Variants in NCOA6 observed in about 807,000 individuals in gnomAD.
NCOA6 encodes the protein NRC RAP250.
NCOA6 carries 49 observed loss-of-function variants against 171.4 expected under a neutral mutation model. That is an observed-to-expected ratio of 0.29 (90% CI 0.23 to 0.36). The LOEUF (loss-of-function observed/expected upper bound fraction) is 0.36. Ranked by LOEUF, NCOA6 falls within the 10% of genes least tolerant of loss-of-function variation. The probability of loss-of-function intolerance (pLI) is 1.00; values close to 1 mark genes in which losing one functional copy is unlikely to be tolerated. For missense variants in NCOA6, 2,248 were observed against 2,554.5 expected, an observed-to-expected ratio of 0.88 and a Z score of 2.59; for synonymous variants, 910 against 927.5, an observed-to-expected ratio of 0.98 and a Z score of 0.34.
intron 3 of NCOA6, among the ~76,000 whole-genome samples, chr20:34,780,515 C>A (rs2077485319): frequency 6.6e-6 from 1 of 152,006 alleles, no homozygotes; most frequent in African/African-American, 2.4e-5. Context: ...GCACGCCTGA[C>A]TAATTTTTGT....
intron 14 of NCOA6, among the ~76,000 whole-genome samples, chr20:34,721,488 G>C (rs999505254): frequency 6.6e-6 from 1 of 151,992 alleles, no homozygotes; most frequent in Non-Finnish European, 1.5e-5. Flanking sequence ...TGGGGGTTGC[G>C]GGGGAGACAG....
chr20:34,772,988 T>C (rs1283762257), intron 4 of NCOA6, among the ~76,000 whole-genome samples: 1 of 152,180 alleles, frequency 6.6e-6, no homozygotes, highest in Non-Finnish European at 1.5e-5. Context: ...CAACTGCATA[T>C]ATGCTAATTT....
At chr20:34,799,952 A>T (rs912739871) in intron 1 of NCOA6, among the ~76,000 whole-genome samples, 1 of 152,316 alleles carries the variant, frequency 6.6e-6, no homozygotes, top group South Asian at 2.1e-4. Flanking sequence ...ACAGAATATT[A>T]TAACACTGTA....
intron 4 of NCOA6, 71 bp from the exon 5 acceptor site, chr20:34,768,657 A>G (rs1283915582): frequency 1.1e-5 from 17 of 1,541,852 alleles, no homozygotes; most frequent in East Asian, 2.3e-5. Flanking sequence ...AGACAGCTAT[A>G]TAAGTGCTTT....
At chr20:34,820,834 C>T (rs2078986834) in intron 1 of NCOA6, 1 of 150,632 alleles carries the variant, frequency 6.6e-6, no homozygotes, top group African/African-American at 2.4e-5. Flanking sequence ...TAATATCTAC[C>T]AACAACAAAG....
At position 34,741,167 on chromosome 20, in the gene NCOA6, C is replaced by A. The variant is rs377670575; in HGVS notation, c.5089G>T (p.Val1697Phe). Reference sequence around the variant, plus strand: ...TTCTGAGGTATGTGTAAAGGGCCAACAACTGCAACAGAGGGAGGCATCAGG... The same window carrying A: ...TTCTGAGGTATGTGTAAAGGGCCAAAAACTGCAACAGAGGGAGGCATCAGG... ...SGLMPPSVAV[V>F]GPLHIPQNIK... The change falls in exon 11 of 15, where the codon GTT (valine) becomes TTT (phenylalanine). Residue 1697 changes from valine (V) to phenylalanine (F), a missense_variant. By Grantham distance (50) the Val-to-Phe change is conservative (BLOSUM62 -1). Transcript: ENST00000359003. 8.3e-5 allele frequency: 134 copies of A among 1,614,094 alleles called. No individual in the cohort carries two copies. Among genetic ancestry groups the A allele is most frequent in the Non-Finnish European group, 1.1e-4 (126 of 1,180,036 alleles).
chr20:34,748,735 A>G (rs1235246385), intron 9 of NCOA6, among the ~76,000 whole-genome samples: 1 of 152,238 alleles, frequency 6.6e-6, no homozygotes, highest in Non-Finnish European at 1.5e-5. Context: ...CTGATTTAAA[A>G]GGTCCAATCA....
intron 14 of NCOA6, 75 bp from the exon 15 acceptor site, chr20:34,715,440 G>A: frequency 1.8e-6 from 2 of 1,120,934 alleles, no homozygotes; most frequent in Non-Finnish European, 2.7e-6. Context: ...TCCACAACAA[G>A]CAGGGCAGAC....
intron 1 of NCOA6, among the ~76,000 whole-genome samples, chr20:34,795,204 G>A (rs1029004365): frequency 7.9e-5 from 12 of 152,260 alleles, no homozygotes; most frequent in African/African-American, 1.2e-4. Context: ...TTGCATGATC[G>A]AAAATTGTTG....
At chr20:34,772,838 G>T (rs1279319481) in intron 4 of NCOA6, among the ~76,000 whole-genome samples, 3 of 152,094 alleles carry the variant, frequency 2.0e-5, no homozygotes, top group African/African-American at 7.2e-5. Context: ...TCCCACACAT[G>T]CAACAGCTGA....
chr20:34,773,591 T>C (rs902146277), intron 4 of NCOA6, among the ~76,000 whole-genome samples: 36 of 152,256 alleles, frequency 2.4e-4, no homozygotes, highest in Non-Finnish European at 4.4e-4. Flanking sequence ...TGGCATGATC[T>C]CGGCTCACCG....
intron 13 of NCOA6, among the ~76,000 whole-genome samples, chr20:34,731,969 C>T (rs900466601): frequency 2.6e-5 from 4 of 152,118 alleles, no homozygotes; most frequent in Admixed American, 6.5e-5. Flanking sequence ...TGCAGTGTGC[C>T]GAGATCGTGC....
intron 1 of NCOA6, among the ~76,000 whole-genome samples, chr20:34,797,592 AAG>A (rs1489958963): frequency 1.3e-5 from 2 of 151,870 alleles, no homozygotes; most frequent in African/African-American, 4.8e-5. Flanking sequence ...TGAGAAAAGA[AAG>A]AGGAGTAAAG....
chr20:34,746,252 G>GTT (rs111754287), intron 10 of NCOA6, among the ~76,000 whole-genome samples: 10 of 136,568 alleles, frequency 7.3e-5, no homozygotes, highest in East Asian at 4.2e-4. Context: ...ACATTTCATG[G>GTT]TTTTTTTTTT....
intron 5 of NCOA6, among the ~76,000 whole-genome samples, chr20:34,766,070 T>C (rs2076973570): frequency 6.6e-6 from 1 of 152,222 alleles, no homozygotes; most frequent in Admixed American, 6.5e-5. Flanking sequence ...TTTAACCTAA[T>C]ATTAAACTTT....
Position 34,801,323 on chromosome 20 carries a change from C to G in NCOA6, c.-163-8760G>C, listed in dbSNP as rs142985115. On this transcript the variant is annotated intron_variant, in intron 1 of 14. Transcript: ENST00000359003. ...ATTAGAAAAGCAAGAGCAAACCAAACTCAAAATTAGTAGAAGAAAAGAAAT... is the reference window on the plus strand; with the variant it reads ...ATTAGAAAAGCAAGAGCAAACCAAAGTCAAAATTAGTAGAAGAAAAGAAAT... Among the ~76,000 whole-genome samples the G allele has an allele frequency of 3.5e-3, 532 of 151,906 alleles. 2 individuals are homozygous for G. The highest frequency in any genetic ancestry group is 0.012 in the African/African-American group (493 of 41,424).
chr20:34,798,296 G>A (rs2078147563), intron 1 of NCOA6, among the ~76,000 whole-genome samples: 1 of 152,228 alleles, frequency 6.6e-6, no homozygotes, highest in Admixed American at 6.5e-5. Flanking sequence ...CAGCTCAGCT[G>A]CAGCAGAACA....
At chr20:34,810,594 C>A (rs965976394) in intron 1 of NCOA6, among the ~76,000 whole-genome samples, 3 of 150,276 alleles carry the variant, frequency 2.0e-5, no homozygotes. Flanking sequence ...CTCGCTCTGT[C>A]ACCCAGGCTG....
At chr20:34,752,334 G>A (rs1362055980) in intron 8 of NCOA6, among the ~76,000 whole-genome samples, 1 of 152,144 alleles carries the variant, frequency 6.6e-6, no homozygotes, top group Non-Finnish European at 1.5e-5. Flanking sequence ...GGAACTCCAT[G>A]ACCATTGTAT....
Sources: allele counts gnomAD v4.1 joint callset (sites outside exome capture counted in the v4.1 genomes callset), GRCh38; gene constraint gnomAD v4.1.1; transcripts MANE v1.5; gene names NCBI Gene and HGNC (gene_info 2026-07-23, HGNC 2026-07-21).